RPRD1A: variants seen among roughly 807,000 people sequenced by gnomAD.
RPRD1A encodes regulation of nuclear pre-mRNA domain-containing protein 1A.
A neutral mutation model predicts 37.8 loss-of-function variants in RPRD1A; 9 were observed. The ratio of observed to expected loss-of-function variants is 0.24; its 90% CI spans 0.14 to 0.42. RPRD1A has a LOEUF of 0.42. RPRD1A is among the 10% of genes least tolerant of loss of function. The pLI, the probability that RPRD1A is intolerant of heterozygous loss-of-function variation, is 1.00. For synonymous variants in RPRD1A, 138 were observed against 139.7 expected (o/e 0.99, Z 0.08); for missense variants, 255 against 371.0 (o/e 0.69, Z 2.57).
intron 1 of RPRD1A, among the ~76,000 whole-genome samples, chr18:36,058,298 C>T (rs1159311936): frequency 6.6e-6 from 1 of 152,180 alleles, no homozygotes; most frequent in African/African-American, 2.4e-5. Flanking sequence ...CCGCCTCAGC[C>T]TCCCAAAGTG....
intron 1 of RPRD1A, among the ~76,000 whole-genome samples, chr18:36,065,995 G>A (rs770169176): frequency 2.0e-5 from 3 of 152,036 alleles, no homozygotes; most frequent in Non-Finnish European, 4.4e-5. Flanking sequence ...ACCTGTTACC[G>A]ATTCTGAAAT....
rs915091777 is a variant in RPRD1A, at chr18:36,067,517, ACGGCCGCCG to A, written c.-122_-114del. ...CCCCACCCTTCCCCACGCTCTCACC[ACGGCCGCCG>A]CTTCATCCAAGACCGGCCGCAAACC... On this transcript the variant is annotated 5_prime_UTR_variant, in exon 1 of 7. Transcript: ENST00000399022. 8 of 1,143,364 alleles carry A rather than the reference ACGGCCGCCG, an allele frequency of 7.0e-6. No homozygotes were observed. The highest frequency in any genetic ancestry group is 2.6e-5 in the Admixed American group (1 of 38,428). 70.8% of individuals were successfully genotyped at this position (1,143,364 alleles called of 1,614,324 possible).
chr18:36,016,487 T>C (rs1018211659), intron 6 of RPRD1A, among the ~76,000 whole-genome samples: 2 of 152,246 alleles, frequency 1.3e-5, no homozygotes, highest in African/African-American at 4.8e-5. Flanking sequence ...CTTCCCATAG[T>C]GCTGGGATTA....
At chr18:36,052,534 G>A (rs956553673) in intron 1 of RPRD1A, among the ~76,000 whole-genome samples, 2 of 152,128 alleles carry the variant, frequency 1.3e-5, no homozygotes, top group African/African-American at 4.8e-5. Flanking sequence ...TAACATAAAA[G>A]GAGGACAGGG....
At chr18:36,005,037 C>T (rs1207088611) in intron 6 of RPRD1A, among the ~76,000 whole-genome samples, 1 of 152,246 alleles carries the variant, frequency 6.6e-6, no homozygotes, top group Non-Finnish European at 1.5e-5. Flanking sequence ...CGCAGTGGCT[C>T]ACGCCTGTAA....
At chr18:36,021,145 G>A (rs999594561) in intron 6 of RPRD1A, among the ~76,000 whole-genome samples, 1 of 152,068 alleles carries the variant, frequency 6.6e-6, no homozygotes, top group African/African-American at 2.4e-5. Flanking sequence ...CATCCACAGA[G>A]CTGCATCTTA....
At chr18:36,064,942 A>G (rs889870620) in intron 1 of RPRD1A, among the ~76,000 whole-genome samples, 13 of 151,810 alleles carry the variant, frequency 8.6e-5, no homozygotes, top group Admixed American at 5.9e-4. Flanking sequence ...GATGGAAGGA[A>G]CAACTCCAGA....
intron 6 of RPRD1A, among the ~76,000 whole-genome samples, chr18:36,001,901 A>C (rs993646340): frequency 6.6e-6 from 1 of 152,114 alleles, no homozygotes; most frequent in African/African-American, 2.4e-5. Flanking sequence ...ATTTCATTGG[A>C]TATATAATTC....
In RPRD1A at chr18:36,063,738, T is replaced by C. The variant is rs369037013; in HGVS notation, c.151+3516A>G. Among the ~76,000 whole-genome samples, 533 of 152,318 alleles carry C rather than the reference T, an allele frequency of 3.5e-3. 2 individuals are homozygous for C. The highest frequency in any genetic ancestry group is 6.6e-3 in the Non-Finnish European group (450 of 68,030). ...ACTACAGGAGATGAGAATCCTGAAG[T>C]TGATGAGCAAAACTGCAGGAAAGGG... is the stretch of plus-strand genomic sequence containing the variant. On this transcript the variant is annotated intron_variant, in intron 1 of 6. Coordinates refer to ENST00000399022, the MANE Select transcript of RPRD1A (RefSeq NM_018170.5).
intron 6 of RPRD1A, among the ~76,000 whole-genome samples, chr18:36,017,484 G>C (rs1910668792): frequency 6.6e-6 from 1 of 152,032 alleles, no homozygotes; most frequent in South Asian, 2.1e-4. Flanking sequence ...TCTTCCCTTT[G>C]GCCTGTTATC....
chr18:36,062,903 A>G (rs530813562), intron 1 of RPRD1A: 32 of 152,334 alleles, frequency 2.1e-4, no homozygotes, highest in African/African-American at 6.7e-4. Flanking sequence ...ACCACTGAAT[A>G]GTATACTTTG....
In RPRD1A at chr18:36,067,507, C is replaced by T. The variant is rs2089056781; in HGVS notation, c.-103G>A. The T allele has an allele frequency of 1.6e-6, 2 of 1,239,650 alleles. No homozygotes were observed. The highest frequency in any genetic ancestry group is 2.2e-6 in the Non-Finnish European group (2 of 899,610). The allele number at this position is 1,239,650 out of a possible 1,614,324, so 76.8% of individuals were successfully genotyped here. Reference sequence around the variant, plus strand: ...CGCCCCCTCACCCCACCCTTCCCCACGCTCTCACCACGGCCGCCGCTTCAT... The same window carrying T: ...CGCCCCCTCACCCCACCCTTCCCCATGCTCTCACCACGGCCGCCGCTTCAT... On this transcript the variant is annotated 5_prime_UTR_variant, in exon 1 of 7. The change creates a new upstream start codon in the 5' untranslated region. Transcript: ENST00000399022.
At chr18:36,046,341 A>C (rs1598652012) in intron 1 of RPRD1A, among the ~76,000 whole-genome samples, 2 of 152,272 alleles carry the variant, frequency 1.3e-5, no homozygotes, top group East Asian at 3.9e-4. Context: ...GGGCTGTATC[A>C]CAGGAGGCCT....
chr18:36,033,210 G>A (rs1425583485), intron 2 of RPRD1A, among the ~76,000 whole-genome samples: 1 of 149,228 alleles, frequency 6.7e-6, no homozygotes, highest in African/African-American at 2.5e-5. Context: ...GCTGAAGTAG[G>A]AGAATCGCTT....
At chr18:36,019,081 A>C (rs958685238) in intron 6 of RPRD1A, among the ~76,000 whole-genome samples, 6 of 151,980 alleles carry the variant, frequency 3.9e-5, no homozygotes, top group Admixed American at 3.9e-4. Context: ...ATAAGATCCA[A>C]AAGTGTAATG....
intron 6 of RPRD1A, chr18:36,026,158 TAC>T (rs1187268277): frequency 6.6e-6 from 1 of 152,522 alleles, no homozygotes; most frequent in East Asian, 1.9e-4. Context: ...CCTACAAATT[TAC>T]AGTGAGCTTT....
intron 1 of RPRD1A, among the ~76,000 whole-genome samples, chr18:36,035,374 T>C (rs1284601027): frequency 6.6e-6 from 1 of 152,216 alleles, no homozygotes; most frequent in African/African-American, 2.4e-5. Context: ...TTTACATACA[T>C]TATCTCAATC....
intron 1 of RPRD1A, among the ~76,000 whole-genome samples, chr18:36,045,235 G>A (rs370769760): frequency 5.9e-5 from 9 of 151,974 alleles, no homozygotes; most frequent in Admixed American, 1.3e-4. Flanking sequence ...GCAATACTCC[G>A]TCTCAAAAAT....
At chr18:36,043,207 G>GGGGA (rs1912718138) in intron 1 of RPRD1A, among the ~76,000 whole-genome samples, 1 of 108,474 alleles carries the variant, frequency 9.2e-6, no homozygotes, top group African/African-American at 3.5e-5. Flanking sequence ...GGGGGGGGGG[G>GGGGA]AAGAAGGGGA....
Sources: allele counts gnomAD v4.1 joint callset (sites outside exome capture counted in the v4.1 genomes callset), GRCh38; gene constraint gnomAD v4.1.1; transcripts MANE v1.5; gene names NCBI Gene and HGNC (gene_info 2026-07-23, HGNC 2026-07-21).